STRADB: variants seen among roughly 807,000 people sequenced by gnomAD.
STRADB encodes the protein STE20-related kinase adapter protein beta.
In STRADB, 34 loss-of-function variants were observed where a neutral mutation model predicts 52.1. The observed-to-expected ratio is 0.65, with a 90% confidence interval of 0.50 to 0.87. The LOEUF is 0.87. Among genes scored for constraint, STRADB ranks in the 40% least tolerant of loss-of-function variants. The pLI is 0.00. For missense variants in STRADB, 340 were observed against 483.9 expected, an observed-to-expected ratio of 0.70 and a Z score of 2.79; for synonymous variants, 133 against 174.5, an observed-to-expected ratio of 0.76 and a Z score of 1.87.
chr2:201,467,758 A>T, intron 3 of STRADB, among the ~76,000 whole-genome samples: 1 of 152,132 alleles, frequency 6.6e-6, no homozygotes, highest in East Asian at 1.9e-4. Flanking sequence ...ATTCCCTCTT[A>T]AATTGTGGTG....
intron 1 of STRADB, among the ~76,000 whole-genome samples, chr2:201,453,592 A>G (rs1340812814): frequency 6.6e-6 from 1 of 152,226 alleles, no homozygotes; most frequent in Non-Finnish European, 1.5e-5. Context: ...GTCAAAAAGT[A>G]TGAATATTTT....
chr2:201,462,269 CTATT>C (rs1022110408), intron 3 of STRADB, among the ~76,000 whole-genome samples: 16 of 152,010 alleles, frequency 1.1e-4, no homozygotes, highest in Admixed American at 7.9e-4. Flanking sequence ...TTTTCTTCCA[CTATT>C]TATTTTCAGT....
At chr2:201,471,887 A>T (rs1952395973) in intron 4 of STRADB, among the ~76,000 whole-genome samples, 1 of 152,192 alleles carries the variant, frequency 6.6e-6, no homozygotes, top group Non-Finnish European at 1.5e-5. Flanking sequence ...AGGGCATATG[A>T]GGGAGTCACT....
chr2:201,458,233 T>A (rs1009276), intron 2 of STRADB, among the ~76,000 whole-genome samples: 1 of 152,152 alleles, frequency 6.6e-6, no homozygotes, highest in Non-Finnish European at 1.5e-5. Flanking sequence ...TGGGTTAATA[T>A]GCAGAAAAAT....
At chr2:201,453,246 A>T (rs891897169) in intron 1 of STRADB, among the ~76,000 whole-genome samples, 1 of 152,222 alleles carries the variant, frequency 6.6e-6, no homozygotes, top group Non-Finnish European at 1.5e-5. Context: ...AGACAACGTA[A>T]TGGAGTTTCA....
At chr2:201,458,287 A>G (rs1952158307) in intron 2 of STRADB, among the ~76,000 whole-genome samples, 3 of 152,216 alleles carry the variant, frequency 2.0e-5, no homozygotes, top group Non-Finnish European at 4.4e-5. Context: ...ATTTGCTTTG[A>G]GTTATAATTA....
At chr2:201,452,508 T>TA (rs1952062087) in intron 1 of STRADB, among the ~76,000 whole-genome samples, 1 of 152,256 alleles carries the variant, frequency 6.6e-6, no homozygotes. Context: ...TACGGATGTG[T>TA]AACACGGCGC....
intron 3 of STRADB, chr2:201,460,914 T>A: frequency 6.4e-6 from 1 of 155,822 alleles, no homozygotes; most frequent in East Asian, 1.8e-4. Context: ...TGGTAGTTTT[T>A]TTTTTTTTTT....
chr2:201,470,125 G>A, intron 4 of STRADB, 73 bp downstream of exon 4: 2 of 1,211,438 alleles, frequency 1.7e-6, no homozygotes, highest in Admixed American at 1.9e-5. Flanking sequence ...TTATTTTGTG[G>A]GCAAGTGTTT....
At chr2:201,463,470 T>C (rs530921863) in intron 3 of STRADB, among the ~76,000 whole-genome samples, 1 of 152,328 alleles carries the variant, frequency 6.6e-6, no homozygotes, top group East Asian at 1.9e-4. Context: ...TTTTCTTACT[T>C]CTTTTAGTAT....
chr2:201,474,713 G>A lies in STRADB; in HGVS notation c.382G>A (p.Val128Ile). ...TACAACTTATTGGACAGTTTTCACT[G>A]TTGGCAGCTGGCTTTGGGTTATTTC... is the stretch of plus-strand genomic sequence containing the variant. Reference protein sequence around the residue: ...NITTYWTVFTVGSWLWVISPF... With the variant: ...NITTYWTVFTIGSWLWVISPF... The change falls in exon 6 of 12, where the codon GTT becomes ATT. Residue 128 changes from valine (V) to isoleucine (I), a missense_variant. Transcript: ENST00000194530. The A allele has an allele frequency of 1.2e-6, 2 of 1,611,444 alleles. No individual in the cohort carries two copies. The highest frequency in any genetic ancestry group is 1.7e-6 in the Non-Finnish European group (2 of 1,179,266).
intron 4 of STRADB, among the ~76,000 whole-genome samples, chr2:201,470,693 C>G (rs899080989): frequency 1.3e-5 from 2 of 152,194 alleles, no homozygotes; most frequent in East Asian, 1.9e-4. Flanking sequence ...GAGGTATGTC[C>G]TAAGTGTTAT....
intron 3 of STRADB, among the ~76,000 whole-genome samples, chr2:201,469,339 C>T (rs1258094296): frequency 2.0e-5 from 3 of 152,178 alleles, no homozygotes; most frequent in Non-Finnish European, 4.4e-5. Flanking sequence ...ATTTCACTGT[C>T]ACTGTATTCA....
chr2:201,465,317 T>C (rs1363184779), intron 3 of STRADB, among the ~76,000 whole-genome samples: 1 of 152,190 alleles, frequency 6.6e-6, no homozygotes, highest in African/African-American at 2.4e-5. Context: ...AGGTGATGGA[T>C]CCTGCCAGAA....
At chr2:201,456,576 C>G in intron 2 of STRADB, among the ~76,000 whole-genome samples, 1 of 13,470 alleles carries the variant, frequency 7.4e-5, no homozygotes, top group South Asian at 2.8e-3. Flanking sequence ...GAAATATTTA[C>G]TTTTTTTCCT....
intron 4 of STRADB, among the ~76,000 whole-genome samples, chr2:201,470,748 TAA>T (rs1433830577): frequency 6.6e-6 from 1 of 152,140 alleles, no homozygotes; most frequent in Non-Finnish European, 1.5e-5. Flanking sequence ...CTCTGGGAGT[TAA>T]GAGAGATGGC....
intron 7 of STRADB, among the ~76,000 whole-genome samples, chr2:201,477,322 C>T (rs1952493601): frequency 6.6e-6 from 1 of 152,020 alleles, no homozygotes; most frequent in African/African-American, 2.4e-5. Flanking sequence ...CCTCAGCCTC[C>T]CAAAGTGCTG....
chr2:201,470,562 C>A (rs917234326), intron 4 of STRADB, among the ~76,000 whole-genome samples: 13 of 152,174 alleles, frequency 8.5e-5, no homozygotes, highest in Non-Finnish European at 1.9e-4. Context: ...ACACTACACA[C>A]CGGTGATTGT....
chr2:201,452,691 G>C (rs1952065194), intron 1 of STRADB, among the ~76,000 whole-genome samples: 1 of 152,180 alleles, frequency 6.6e-6, no homozygotes, highest in Admixed American at 6.5e-5. Flanking sequence ...GCTCAACAAA[G>C]AGTTACATCG....
Sources: gnomAD v4.1 joint callset for allele counts (sites outside exome capture counted in the v4.1 genomes callset) on GRCh38, gnomAD v4.1.1 for gene constraint, MANE v1.5 for transcripts, NCBI Gene and HGNC (gene_info 2026-07-23, HGNC 2026-07-21) for gene names.